NAV3: variants seen among roughly 807,000 people sequenced by gnomAD.
NAV3 encodes the protein pore membrane and/or filament interacting like protein 1.
In NAV3, 87 loss-of-function variants were observed where a neutral mutation model predicts 244.7. The ratio of observed to expected loss-of-function variants is 0.36; its 90% CI spans 0.30 to 0.42. The LOEUF is 0.42. Ranked by LOEUF, NAV3 falls within the 20% of genes least tolerant of loss-of-function variation. The pLI is 1.00. For missense variants in NAV3, 2,663 were observed against 2,893.3 expected, an observed-to-expected ratio of 0.92 and a Z score of 1.83; for synonymous variants, 1,126 against 1,042.2, an observed-to-expected ratio of 1.08 and a Z score of -1.55.
In NAV3 at chr12:78,022,356, T is replaced by C. The variant is rs570861736; in HGVS notation, c.2023+494T>C. 3.3e-5 allele frequency among the ~76,000 whole-genome samples: 5 copies of C among 152,228 alleles called. No homozygotes were observed. The South Asian group carries it at 8.3e-4, about 25-fold the overall frequency. ...AGACACAGTTATCATGTTTTTGGTG[T>C]GTATCAAATGGGATGCTCAGCTTGA... On this transcript the variant is annotated intron_variant, in intron 9 of 39. Coordinates refer to ENST00000397909, the MANE Select transcript of NAV3 (RefSeq NM_001024383.2).
intron 2 of NAV3, among the ~76,000 whole-genome samples, chr12:77,685,496 C>A (rs73134000): frequency 3.5e-5 from 1 of 28,774 alleles, no homozygotes; most frequent in East Asian, 8.3e-3. Flanking sequence ...CACACACACA[C>A]ACACACACAC....
In NAV3 at chr12:78,210,660, A is replaced by G; in HGVS notation, c.*143A>G. ...TTGTGGTCTCCAAGGAGGCAGCAGA[A>G]CTAAGTCTGAACCGCCAAGATGCTA... On this transcript the variant is annotated 3_prime_UTR_variant, in exon 40 of 40. Transcript: ENST00000397909. 1.1e-6 allele frequency: 1 copy of G among 940,296 alleles called. No individual in the cohort carries two copies. Among genetic ancestry groups the G allele is most frequent in the Non-Finnish European group, 1.6e-6 (1 of 636,760 alleles). The allele number at this position is 940,296 out of a possible 1,614,324, so 58.2% of individuals were successfully genotyped here. A position where few individuals can be genotyped will look rare whatever the true frequency, so the allele number is the denominator to read the frequency against.
At chr12:78,041,293 A>G (rs1470804992) in intron 9 of NAV3, among the ~76,000 whole-genome samples, 3 of 152,228 alleles carry the variant, frequency 2.0e-5, no homozygotes, top group Admixed American at 2.0e-4. Flanking sequence ...TATTAAGTAT[A>G]CTTTAATTGT....
chr12:77,979,732 C>T (rs1277080808), intron 5 of NAV3, among the ~76,000 whole-genome samples: 1 of 141,980 alleles, frequency 7.0e-6, no homozygotes, highest in Non-Finnish European at 1.5e-5. Context: ...AAAAAGCCTT[C>T]TCTTTCTGCT....
intron 1 of NAV3, among the ~76,000 whole-genome samples, chr12:77,917,492 G>T (rs1409005767): frequency 2.0e-5 from 3 of 151,896 alleles, no homozygotes; most frequent in Non-Finnish European, 2.9e-5. Context: ...TGTATCGAGG[G>T]TTATTTCTCT....
intron 8 of NAV3, among the ~76,000 whole-genome samples, chr12:78,008,319 T>A (rs1164864693): frequency 1.3e-5 from 2 of 152,214 alleles, no homozygotes; most frequent in African/African-American, 4.8e-5. Flanking sequence ...AATGCATTAT[T>A]ATGCATTTTA....
chr12:77,736,047 T>C (rs1018170080), intron 2 of NAV3, among the ~76,000 whole-genome samples: 2 of 152,256 alleles, frequency 1.3e-5, no homozygotes, highest in Non-Finnish European at 2.9e-5. Context: ...GTATCTTTAC[T>C]ACACTTTGTA....
chr12:77,616,072 A>T lies in NAV3; in HGVS notation c.72+43806A>T, dbSNP rs530171912. Among the ~76,000 whole-genome samples the T allele has an allele frequency of 3.0e-4, 46 of 152,274 alleles. No homozygotes were observed. The South Asian group carries it at 8.9e-3, about 30-fold the overall frequency. Reference sequence around the variant, plus strand: ...GAGTGTTTTTTCTAACTGATGTTTTATCCTTCTTAGTGCCTCAAACTATAT... The same window carrying T: ...GAGTGTTTTTTCTAACTGATGTTTTTTCCTTCTTAGTGCCTCAAACTATAT... On this transcript the variant is annotated intron_variant, in intron 2 of 8. Transcript: ENST00000550042.
chr12:78,067,050 C>A (rs7965902), intron 12 of NAV3, among the ~76,000 whole-genome samples: 9,083 of 152,102 alleles, frequency 0.06, 610 homozygotes, highest in African/African-American at 0.17. Flanking sequence ...GATTTCCAAG[C>A]CTTTTCCAAC....
chr12:78,050,699 C>T (rs2137241065), intron 10 of NAV3, 65 bp from the exon 11 acceptor site: 1 of 1,497,604 alleles, frequency 6.7e-7, no homozygotes, highest in Non-Finnish European at 9.0e-7. Flanking sequence ...TTTCTGTCTT[C>T]ATGCATTCTA....
In NAV3 at chr12:78,119,613, C is replaced by G. The variant is rs1566162176; in HGVS notation, c.3417C>G (p.Pro1139=). 1 of 1,614,152 alleles carries G rather than the reference C, an allele frequency of 6.2e-7. No homozygotes were observed. The highest frequency in any genetic ancestry group is 8.5e-7 in the Non-Finnish European group (1 of 1,180,030). ...CTACCCTACAATATCGCAGCTTGCC[C>G]CGCCCTTCAAAATCCAGCACCAGTG... ...SKTTLQYRSL[P]RPSKSSTSGI... is the part of the protein sequence containing the mutation. Residue 1139 remains proline, a synonymous_variant, in exon 15 of 40, where the codon CCC becomes CCG. Coordinates refer to ENST00000397909, the MANE Select transcript of NAV3 (RefSeq NM_001024383.2).
intron 33 of NAV3, among the ~76,000 whole-genome samples, chr12:78,189,466 C>A: frequency 6.6e-6 from 1 of 151,300 alleles, no homozygotes; most frequent in Non-Finnish European, 1.5e-5. Flanking sequence ...TCTTCAAAAG[C>A]TTGAGTGGTT....
intron 2 of NAV3, among the ~76,000 whole-genome samples, chr12:77,574,721 C>A (rs985415039): frequency 2.0e-5 from 3 of 152,036 alleles, no homozygotes; most frequent in African/African-American, 7.2e-5. Context: ...CACAACCGAT[C>A]TCTTATTCAG....
Position 78,051,119 on chromosome 12 carries a change from A to G in NAV3, c.2488A>G (p.Ser830Gly), listed in dbSNP as rs1468467486. The G allele has an allele frequency of 6.2e-7, 1 of 1,612,586 alleles. No individual in the cohort carries two copies. Among genetic ancestry groups the G allele is most frequent in the Non-Finnish European group, 8.5e-7 (1 of 1,178,830 alleles). The change falls in exon 11 of 40, where the codon AGT (serine) becomes GGT (glycine). Residue 830 changes from serine to glycine, a missense_variant. Ser to Gly is a moderately conservative substitution (Grantham distance 56). Coordinates refer to ENST00000397909, the MANE Select transcript of NAV3 (RefSeq NM_001024383.2). ...GAGTGATGGTGATATCCTTGGGAAA[A>G]GTCTCAGGACTGATGACATCAACAG... is the stretch of plus-strand genomic sequence containing the variant. The part of the protein sequence containing the change: ...YMSDGDILGK[S>G]LRTDDINSGY...
At chr12:77,917,492 G>A (rs1409005767) in intron 1 of NAV3, among the ~76,000 whole-genome samples, 1 of 151,896 alleles carries the variant, frequency 6.6e-6, no homozygotes, top group Non-Finnish European at 1.5e-5. Flanking sequence ...TGTATCGAGG[G>A]TTATTTCTCT....
At chr12:77,750,878 G>A (rs1379225588) in intron 2 of NAV3, among the ~76,000 whole-genome samples, 1 of 152,182 alleles carries the variant, frequency 6.6e-6, no homozygotes, top group African/African-American at 2.4e-5. Context: ...AAAGTTTTTA[G>A]GAACTAACAG....
intron 2 of NAV3, among the ~76,000 whole-genome samples, chr12:77,674,238 G>T (rs1030496980): frequency 6.6e-6 from 1 of 152,184 alleles, no homozygotes; most frequent in Non-Finnish European, 1.5e-5. Flanking sequence ...AAAGAAGTTT[G>T]TAATATTCAG....
At chr12:77,738,549 A>T (rs920871252) in intron 2 of NAV3, among the ~76,000 whole-genome samples, 1 of 152,236 alleles carries the variant, frequency 6.6e-6, no homozygotes, top group African/African-American at 2.4e-5. Context: ...GTTCAAGCAC[A>T]TACACACTCT....
intron 1 of NAV3, among the ~76,000 whole-genome samples, chr12:77,914,095 T>C (rs1377116144): frequency 2.0e-5 from 3 of 152,114 alleles, no homozygotes. Context: ...CTGCTTTTAA[T>C]TGAATGAAAA....
Sources: gnomAD v4.1 joint callset for allele counts (sites outside exome capture counted in the v4.1 genomes callset) on GRCh38, gnomAD v4.1.1 for gene constraint, MANE v1.5 for transcripts, NCBI Gene and HGNC (gene_info 2026-07-23, HGNC 2026-07-21) for gene names.